Variants in MYO16 observed in about 807,000 individuals in gnomAD.
MYO16 encodes unconventional myosin-XVI.
A neutral mutation model predicts 205.3 loss-of-function variants in MYO16; 94 were observed. The observed-to-expected ratio is 0.46, with a 90% CI of 0.39 to 0.54. MYO16 has a LOEUF of 0.54. Ranked by LOEUF, MYO16 falls within the 20% of genes least tolerant of loss-of-function variation. MYO16 has a pLI of 0.00. For missense variants in MYO16, 2,315 were observed against 2,387.5 expected, an observed-to-expected ratio of 0.97 and a Z score of 0.63; for synonymous variants, 988 against 954.0, an observed-to-expected ratio of 1.04 and a Z score of -0.66.
intron 1 of MYO16, among the ~76,000 whole-genome samples, chr13:108,664,409 C>T (rs1247209036): frequency 6.6e-6 from 1 of 152,142 alleles, no homozygotes; most frequent in Non-Finnish European, 1.5e-5. Context: ...CACAACCTCT[C>T]TCAACTTGGT....
chr13:108,677,576 G>A (rs984773136), intron 2 of MYO16, among the ~76,000 whole-genome samples: 1 of 151,626 alleles, frequency 6.6e-6, no homozygotes, highest in African/African-American at 2.4e-5. Flanking sequence ...TTTAGGGAAG[G>A]GGGAAGGAAG....
intron 7 of MYO16, among the ~76,000 whole-genome samples, chr13:108,813,295 T>C (rs570924754): frequency 6.6e-6 from 1 of 152,306 alleles, no homozygotes; most frequent in East Asian, 1.9e-4. Context: ...TCTGAAATAG[T>C]TCACATGGTT....
intron 9 of MYO16, among the ~76,000 whole-genome samples, chr13:108,825,972 T>C (rs1271002792): frequency 2.6e-5 from 4 of 152,048 alleles, no homozygotes; most frequent in Non-Finnish European, 2.9e-5. Flanking sequence ...AGAGCCTAAA[T>C]ATATGGAAAG....
At chr13:108,835,401 C>A (rs1876855801) in intron 9 of MYO16, among the ~76,000 whole-genome samples, 1 of 152,164 alleles carries the variant, frequency 6.6e-6, no homozygotes, top group Admixed American at 6.5e-5. Context: ...TGTGGAACTG[C>A]AAATCAATTA....
chr13:108,639,271 G>C (rs1880395732), intron 1 of MYO16, among the ~76,000 whole-genome samples: 1 of 152,170 alleles, frequency 6.6e-6, no homozygotes, highest in African/African-American at 2.4e-5. Context: ...GGTCTGACTA[G>C]AGAGGTATTT....
intron 1 of MYO16, among the ~76,000 whole-genome samples, chr13:108,639,471 A>G (rs867362584): frequency 6.6e-6 from 1 of 152,172 alleles, no homozygotes; most frequent in East Asian, 1.9e-4. Flanking sequence ...TTCAAACCCA[A>G]GCAGACCCTG....
chr13:109,183,771 A>G (rs1208504318), intron 34 of MYO16, among the ~76,000 whole-genome samples: 1 of 152,230 alleles, frequency 6.6e-6, no homozygotes, highest in Non-Finnish European at 1.5e-5. Flanking sequence ...GTAAGAAACC[A>G]TTCATGGTCT....
chr13:109,143,114 C>T (rs1273685996), intron 32 of MYO16, among the ~76,000 whole-genome samples: 3 of 152,066 alleles, frequency 2.0e-5, no homozygotes, highest in Non-Finnish European at 2.9e-5. Context: ...TGGAAGTAAA[C>T]TTTGACCTAC....
chr13:109,001,720 T>C (rs1885219489), intron 21 of MYO16, among the ~76,000 whole-genome samples: 1 of 152,124 alleles, frequency 6.6e-6, no homozygotes, highest in African/African-American at 2.4e-5. Context: ...AATCTTCAAA[T>C]AGTTGAAGTT....
intron 2 of MYO16, among the ~76,000 whole-genome samples, chr13:108,666,895 C>T (rs767007239): frequency 5.9e-5 from 9 of 152,262 alleles, no homozygotes; most frequent in Non-Finnish European, 5.9e-5. Flanking sequence ...GATAAATGTT[C>T]CAGCTCTGGA....
intron 11 of MYO16, 51 bp from the exon 12 acceptor site, chr13:108,866,126 A>T: frequency 8.8e-7 from 1 of 1,137,678 alleles, no homozygotes; most frequent in Non-Finnish European, 1.2e-6. Context: ...TTTATTGTTT[A>T]AAGATGCTAT....
chr13:108,735,486 T>TGTATTCCATGGTATATACCATGG (rs1298273718), intron 4 of MYO16, among the ~76,000 whole-genome samples: 32 of 151,330 alleles, frequency 2.1e-4, no homozygotes, highest in Non-Finnish European at 4.4e-4. Flanking sequence ...ATATACCATG[T>TGTATTCCATGGTATATACCATGG]GTATTCCATG....
intron 6 of MYO16, among the ~76,000 whole-genome samples, chr13:108,797,612 G>A (rs972097679): frequency 6.6e-6 from 1 of 152,176 alleles, no homozygotes; most frequent in African/African-American, 2.4e-5. Flanking sequence ...GTAACTTGGA[G>A]GTCATTGACT....
At chr13:108,990,147 TACACACACAC>T (rs56975148) in intron 20 of MYO16, among the ~76,000 whole-genome samples, 40 of 148,482 alleles carry the variant, frequency 2.7e-4, no homozygotes, top group Middle Eastern at 3.5e-3. Context: ...ACACAGACAA[TACACACACAC>T]ACACACACAC....
rs182318207 is a variant in MYO16, at chr13:109,118,320, A to G, written c.3439-2050A>G. On this transcript the variant is annotated intron_variant, in intron 28 of 34. Transcript: ENST00000457511. Reference sequence around the variant, plus strand: ...CCTTCATATCCCCAGATCTAGCACAATGCTCAAGATAAACCTCCTTTGGGT... The same window carrying G: ...CCTTCATATCCCCAGATCTAGCACAGTGCTCAAGATAAACCTCCTTTGGGT... Among the ~76,000 whole-genome samples, 11 of 152,292 alleles carry G rather than the reference A, an allele frequency of 7.2e-5. No individual in the cohort carries two copies. In the East Asian group the frequency reaches 1.9e-3, roughly 27 times the overall value.
At chr13:108,564,172 CTTTTTT>C in the MYO16 span, among the ~76,000 whole-genome samples, 1 of 126,702 alleles carries the variant, frequency 7.9e-6, no homozygotes, top group Non-Finnish European at 1.7e-5. Context: ...CTATTGCCTT[CTTTTTT>C]TTTTTTTTTT....
intron 1 of MYO16, among the ~76,000 whole-genome samples, chr13:108,653,589 T>G (rs2139406645): frequency 6.6e-6 from 1 of 152,192 alleles, no homozygotes; most frequent in Admixed American, 6.5e-5. Flanking sequence ...ATTTTATTTT[T>G]TTGCATGTAT....
chr13:108,883,555 A>C (rs1389870624), intron 13 of MYO16, among the ~76,000 whole-genome samples: 2 of 150,864 alleles, frequency 1.3e-5, no homozygotes, highest in Admixed American at 6.6e-5. Flanking sequence ...ATATCATTTT[A>C]TTTCTTTCCA....
At chr13:108,689,235 G>C (rs1246544166) in intron 2 of MYO16, among the ~76,000 whole-genome samples, 1 of 152,002 alleles carries the variant, frequency 6.6e-6, no homozygotes, top group African/African-American at 2.4e-5. Flanking sequence ...CTAAGAAATA[G>C]TTTGTATTTT....
Sources: gnomAD v4.1 joint callset for allele counts (sites outside exome capture counted in the v4.1 genomes callset) on GRCh38, gnomAD v4.1.1 for gene constraint, MANE v1.5 for transcripts, NCBI Gene and HGNC (gene_info 2026-07-23, HGNC 2026-07-21) for gene names.